Variants in TENM2 observed in about 807,000 individuals in gnomAD.
TENM2 encodes the protein teneurin transmembrane protein 2.
Under a neutral mutation model 245.2 loss-of-function variants are expected in TENM2, and 52 were observed. That is an observed-to-expected ratio of 0.21 (90% CI 0.17 to 0.27). The LOEUF (loss-of-function observed/expected upper bound fraction) is 0.27. Ranked by LOEUF, TENM2 falls within the 10% of genes least tolerant of loss-of-function variation. TENM2 has a pLI of 1.00. For missense variants in TENM2, 3,046 were observed against 3,666.8 expected, an observed-to-expected ratio of 0.83 and a Z score of 4.37; for synonymous variants, 1,363 against 1,438.9, an observed-to-expected ratio of 0.95 and a Z score of 1.19.
At chr5:167,250,416 A>G in the TENM2 span, among the ~76,000 whole-genome samples, 16 of 152,288 alleles carry the variant, frequency 1.1e-4, no homozygotes, top group South Asian at 3.1e-3. Flanking sequence ...ATGTTGAAAT[A>G]ATTGTATTTT....
intron 2 of TENM2, among the ~76,000 whole-genome samples, chr5:167,444,405 A>G (rs1199001702): frequency 6.6e-6 from 1 of 152,168 alleles, no homozygotes; most frequent in Non-Finnish European, 1.5e-5. Flanking sequence ...GAAAATTCAG[A>G]CATTTGGGGA....
At chr5:167,262,162 C>A in the TENM2 span, among the ~76,000 whole-genome samples, 1 of 151,986 alleles carries the variant, frequency 6.6e-6, no homozygotes, top group Non-Finnish European at 1.5e-5. Context: ...ATTATCAGAC[C>A]AGCCTGACCA....
chr5:167,282,907 T>C (rs540123189), upstream of TENM2, among the ~76,000 whole-genome samples: 3 of 152,190 alleles, frequency 2.0e-5, no homozygotes, highest in Admixed American at 6.5e-5. Flanking sequence ...GGTCCTGGGG[T>C]CATGACTCTC....
intron 1 of TENM2, among the ~76,000 whole-genome samples, chr5:167,304,483 C>G (rs546201793): frequency 7.2e-5 from 11 of 152,252 alleles, no homozygotes; most frequent in African/African-American, 2.4e-4. Flanking sequence ...CAAAACAAGA[C>G]TATCTATAGG....
intron 7 of TENM2, among the ~76,000 whole-genome samples, chr5:168,084,156 A>G (rs867347088): frequency 1.2e-4 from 18 of 151,710 alleles, no homozygotes; most frequent in Admixed American, 1.3e-4. Flanking sequence ...TTCTTTTTCC[A>G]CTCTTGGTAG....
At chr5:167,252,413 C>T in the TENM2 span, among the ~76,000 whole-genome samples, 3 of 152,058 alleles carry the variant, frequency 2.0e-5, no homozygotes, top group Non-Finnish European at 2.9e-5. Flanking sequence ...AGTAAGTAGG[C>T]GAATGGCTTT....
chr5:167,622,793 A>G lies in TENM2; in HGVS notation c.502+247320A>G, dbSNP rs560084310. On this transcript the variant is annotated intron_variant, in intron 2 of 28. Coordinates refer to ENST00000518659, the Ensembl canonical transcript of TENM2. ...TTTGCTGTGTGCATATTGGAATTCA[A>G]ACATCCAAAGAGGAGACCAGGAGGG... is the stretch of plus-strand genomic sequence containing the variant. Among the ~76,000 whole-genome samples, 3 of 152,310 alleles carry G rather than the reference A, an allele frequency of 2.0e-5. No individual in the cohort carries two copies. In the East Asian group the frequency reaches 5.8e-4, roughly 29 times the overall value.
chr5:166,993,759 G>C, the TENM2 span, among the ~76,000 whole-genome samples: 1 of 152,170 alleles, frequency 6.6e-6, no homozygotes, highest in East Asian at 1.9e-4. Context: ...GGTGATAAAG[G>C]CGTCTAATTT....
chr5:167,674,791 T>C (rs1756205066), intron 2 of TENM2, among the ~76,000 whole-genome samples: 2 of 152,068 alleles, frequency 1.3e-5, no homozygotes, highest in South Asian at 4.1e-4. Context: ...TTAACAGAAA[T>C]GTTATCTTTC....
chr5:168,054,166 G>A (rs1789346189), intron 6 of TENM2, among the ~76,000 whole-genome samples: 1 of 152,188 alleles, frequency 6.6e-6, no homozygotes, highest in African/African-American at 2.4e-5. Context: ...AAAGCCACAT[G>A]TAGTCCCAAG....
the TENM2 span, among the ~76,000 whole-genome samples, chr5:167,103,796 C>T: frequency 3.9e-5 from 6 of 152,022 alleles, no homozygotes; most frequent in Non-Finnish European, 1.5e-5. Flanking sequence ...CAACCTCTTC[C>T]ATGTCAAATC....
At chr5:167,353,261 G>A (rs1167581888) in intron 1 of TENM2, among the ~76,000 whole-genome samples, 1 of 145,258 alleles carries the variant, frequency 6.9e-6, no homozygotes, top group Non-Finnish European at 1.5e-5. Context: ...ATAAAAAAGG[G>A]ATAAATGGTG....
At chr5:167,452,487 G>A (rs988287673) in intron 2 of TENM2, among the ~76,000 whole-genome samples, 1 of 152,154 alleles carries the variant, frequency 6.6e-6, no homozygotes, top group African/African-American at 2.4e-5. Context: ...GCTAAGAGAA[G>A]CCTAGAATCC....
chr5:167,857,766 A>G (rs1382159843), intron 2 of TENM2, among the ~76,000 whole-genome samples: 1 of 152,194 alleles, frequency 6.6e-6, no homozygotes, highest in Non-Finnish European at 1.5e-5. Flanking sequence ...TTATAGATTT[A>G]TAGTCCATTT....
intron 2 of TENM2, among the ~76,000 whole-genome samples, chr5:167,721,660 G>A (rs1321943748): frequency 2.0e-5 from 3 of 152,100 alleles, no homozygotes; most frequent in Non-Finnish European, 4.4e-5. Context: ...AAGGACATGT[G>A]GATGAGTTCA....
chr5:167,035,625 G>C, the TENM2 span, among the ~76,000 whole-genome samples: 1 of 152,226 alleles, frequency 6.6e-6, no homozygotes, highest in African/African-American at 2.4e-5. Context: ...TGTTATTGAA[G>C]CTCAGGATAC....
intron 2 of TENM2, among the ~76,000 whole-genome samples, chr5:167,795,432 TC>T (rs1343889722): frequency 2.0e-5 from 3 of 152,170 alleles, no homozygotes; most frequent in Non-Finnish European, 4.4e-5. Context: ...TATTCTATCA[TC>T]CCAGTGATTT....
At chr5:167,246,236 T>C in the TENM2 span, among the ~76,000 whole-genome samples, 1 of 152,114 alleles carries the variant, frequency 6.6e-6, no homozygotes, top group East Asian at 1.9e-4. Context: ...GAAGAGAGGA[T>C]TGTTATCACT....
chr5:167,639,752 C>G (rs1030831317), intron 2 of TENM2, among the ~76,000 whole-genome samples: 1 of 152,148 alleles, frequency 6.6e-6, no homozygotes, highest in African/African-American at 2.4e-5. Context: ...CCATCACTCT[C>G]TTAAATGAGC....
Sources: allele counts gnomAD v4.1 joint callset (sites outside exome capture counted in the v4.1 genomes callset), GRCh38; gene constraint gnomAD v4.1.1; transcripts MANE v1.5; gene names NCBI Gene and HGNC (gene_info 2026-07-23, HGNC 2026-07-21).